ANKS1B: variants seen among roughly 807,000 people sequenced by gnomAD.
The protein encoded by ANKS1B is ankyrin repeat and sterile alpha motif domain-containing protein 1B.
A neutral mutation model predicts 148.3 loss-of-function variants in ANKS1B; 36 were observed. The ratio of observed to expected loss-of-function variants is 0.24; its 90% CI spans 0.19 to 0.32. The LOEUF (loss-of-function observed/expected upper bound fraction) is 0.32, where lower values mean the gene tolerates loss of function less well. Ranked by LOEUF, ANKS1B falls within the 10% of genes least tolerant of loss-of-function variation. The pLI is 1.00. For missense variants in ANKS1B, 1,157 were observed against 1,542.6 expected (o/e 0.75, Z 4.19); for synonymous variants, 542 against 560.8 (o/e 0.97, Z 0.47).
intron 12 of ANKS1B, among the ~76,000 whole-genome samples, chr12:99,372,206 G>T (rs995881546): frequency 6.6e-6 from 1 of 152,014 alleles, no homozygotes; most frequent in Non-Finnish European, 1.5e-5. Context: ...GTTCATGATG[G>T]GGGAGGCTGT....
At chr12:99,656,256 C>A (rs924445936) in intron 8 of ANKS1B, among the ~76,000 whole-genome samples, 1 of 152,056 alleles carries the variant, frequency 6.6e-6, no homozygotes, top group Non-Finnish European at 1.5e-5. Context: ...TTTATATTCC[C>A]AGATAAACAA....
intron 17 of ANKS1B, among the ~76,000 whole-genome samples, chr12:98,905,572 C>T (rs2099777844): frequency 6.6e-6 from 1 of 152,044 alleles, no homozygotes; most frequent in Non-Finnish European, 1.5e-5. Context: ...GAGTTTGAGA[C>T]CATCCTGGAC....
At chr12:99,128,284 T>C (rs1488395840) in intron 15 of ANKS1B, among the ~76,000 whole-genome samples, 1 of 152,100 alleles carries the variant, frequency 6.6e-6, no homozygotes, top group Non-Finnish European at 1.5e-5. Context: ...TGTAATGGAT[T>C]CTGAAAAGGC....
At chr12:99,542,265 T>C (rs2097133365) in intron 9 of ANKS1B, among the ~76,000 whole-genome samples, 1 of 152,150 alleles carries the variant, frequency 6.6e-6, no homozygotes, top group Non-Finnish European at 1.5e-5. Flanking sequence ...TTCTATATGG[T>C]AGTAATGGGA....
intron 17 of ANKS1B, among the ~76,000 whole-genome samples, chr12:98,926,110 G>C (rs901101056): frequency 6.6e-6 from 1 of 152,136 alleles, no homozygotes; most frequent in Non-Finnish European, 1.5e-5. Flanking sequence ...CTCATCTCTA[G>C]TTGACTTTGA....
chr12:99,443,717 G>C lies in ANKS1B; in HGVS notation c.1531C>G (p.Pro511Ala), dbSNP rs1280161414. 2 of 1,612,186 alleles carry C rather than the reference G, an allele frequency of 1.2e-6. No homozygotes were observed. Among genetic ancestry groups the C allele is most frequent in the Admixed American group, 1.7e-5 (1 of 59,768 alleles). ...GPTPDCSPPS[P>A]DTALKNIVKV... ...ACAATATTTTTGAGGGCAGTATCAG[G>C]GGATGGAGGTGAACAATCAGGTGTT... is the stretch of plus-strand genomic sequence containing the variant. The change falls in exon 11 of 27, where the codon CCT becomes GCT. Residue 511 changes from proline (P) to alanine (A), a missense_variant. By Grantham distance (27) the Pro-to-Ala change is conservative. This residue lies in a region of ANKS1B where 661 missense variants were observed against 642.1 expected (regional missense o/e 1.03). Transcript: ENST00000683438.
intron 1 of ANKS1B, among the ~76,000 whole-genome samples, chr12:99,850,368 C>T (rs12821587): frequency 0.28 from 42,119 of 148,966 alleles, 6,413 homozygotes; most frequent in African/African-American, 0.37. Flanking sequence ...GCCTAGCTGA[C>T]CTTATTTATT....
intron 15 of ANKS1B, among the ~76,000 whole-genome samples, chr12:99,114,700 C>T (rs1047734454): frequency 2.0e-5 from 3 of 151,612 alleles, no homozygotes; most frequent in African/African-American, 7.3e-5. Context: ...TGCAGTGAGC[C>T]GAGACCGTAC....
At chr12:99,214,760 T>G (rs1266205728) in intron 14 of ANKS1B, among the ~76,000 whole-genome samples, 4 of 152,174 alleles carry the variant, frequency 2.6e-5, no homozygotes, top group African/African-American at 9.7e-5. Flanking sequence ...AGGCAGAGGT[T>G]GGAACACTTT....
At chr12:99,687,876 T>C (rs552758036) in intron 8 of ANKS1B, among the ~76,000 whole-genome samples, 1 of 152,362 alleles carries the variant, frequency 6.6e-6, no homozygotes, top group Non-Finnish European at 1.5e-5. Context: ...AATTTTTTAC[T>C]GTTTGGTGAA....
intron 3 of ANKS1B, among the ~76,000 whole-genome samples, chr12:99,808,314 G>A (rs113449846): frequency 0.08 from 12,212 of 152,116 alleles, 575 homozygotes; most frequent in South Asian, 0.12. Flanking sequence ...AGAGTCTAGA[G>A]GGAAGATTTG....
intron 9 of ANKS1B, among the ~76,000 whole-genome samples, chr12:99,625,299 G>A (rs1375558979): frequency 6.6e-6 from 1 of 152,026 alleles, no homozygotes; most frequent in Non-Finnish European, 1.5e-5. Context: ...TTTACTATAT[G>A]GGTGATAGGA....
intron 12 of ANKS1B, among the ~76,000 whole-genome samples, chr12:99,307,410 G>A (rs1405149663): frequency 6.6e-6 from 1 of 152,004 alleles, no homozygotes; most frequent in East Asian, 1.9e-4. Flanking sequence ...GTCAAACAAA[G>A]GTCCCAAGAG....
At chr12:99,899,201 A>T (rs2093497655) in intron 1 of ANKS1B, among the ~76,000 whole-genome samples, 1 of 152,198 alleles carries the variant, frequency 6.6e-6, no homozygotes, top group Admixed American at 6.5e-5. Flanking sequence ...AGCAACTAAG[A>T]ATTTAAAAGA....
At chr12:98,758,461 T>C (rs2098316519) in intron 25 of ANKS1B, among the ~76,000 whole-genome samples, 2 of 152,252 alleles carry the variant, frequency 1.3e-5, no homozygotes, top group African/African-American at 4.8e-5. Flanking sequence ...ATCTTGGCTG[T>C]GGTGAGGTCA....
intron 10 of ANKS1B, among the ~76,000 whole-genome samples, chr12:99,458,514 C>T (rs79357509): frequency 0.038 from 5,661 of 149,768 alleles, 370 homozygotes; most frequent in African/African-American, 0.13. Context: ...AGACCATTAG[C>T]GAGACTAACT....
At chr12:98,990,004 GGAA>G (rs1317697046) in intron 17 of ANKS1B, among the ~76,000 whole-genome samples, 1 of 151,476 alleles carries the variant, frequency 6.6e-6, no homozygotes, top group Non-Finnish European at 1.5e-5. Flanking sequence ...GACAGAGAAA[GGAA>G]GAAAGAAAGA....
intron 19 of ANKS1B, among the ~76,000 whole-genome samples, chr12:98,814,056 T>G (rs1034623981): frequency 2.4e-5 from 1 of 41,764 alleles, no homozygotes; most frequent in Non-Finnish European, 4.7e-5. Context: ...GATTTTTGTA[T>G]TTTTAGTAGA....
chr12:99,800,358 T>C lies in ANKS1B; in HGVS notation c.669+6046A>G, dbSNP rs116537902. ...ATCTTGGACTTTGTAGCCTCCAGAA[T>C]TGTGAGAAAATAAATTTCTGTTGCT... is the stretch of plus-strand genomic sequence containing the variant. On this transcript the variant is annotated intron_variant, in intron 4 of 26. Transcript: ENST00000683438. Among the ~76,000 whole-genome samples the C allele has an allele frequency of 9.1e-3, 1,366 of 150,772 alleles. 24 individuals are homozygous for C. The highest frequency in any genetic ancestry group is 0.031 in the African/African-American group (1,283 of 40,980).
Sources: gnomAD v4.1 joint callset for allele counts (sites outside exome capture counted in the v4.1 genomes callset) on GRCh38, gnomAD v4.1.1 for gene constraint, gnomAD v4.1.1 regional missense constraint, MANE v1.5 for transcripts, NCBI Gene and HGNC (gene_info 2026-07-23, HGNC 2026-07-21) for gene names.